CCDC146: variants seen among roughly 807,000 people sequenced by gnomAD.
The protein encoded by CCDC146 is coiled-coil domain-containing protein 146.
CCDC146 carries 92 observed loss-of-function variants against 119.3 expected under a neutral mutation model. The ratio of observed to expected loss-of-function variants is 0.77; its 90% confidence interval spans 0.65 to 0.92. The LOEUF is 0.92. Ranked by LOEUF, CCDC146 falls within the 40% of genes least tolerant of loss-of-function variation. The pLI is 0.00. For synonymous variants in CCDC146, 372 were observed against 371.8 expected, an observed-to-expected ratio of 1.00 and a Z score of -0.01; for missense variants, 1,000 against 1,103.0, an observed-to-expected ratio of 0.91 and a Z score of 1.32.
chr7:77,154,060 T>C (rs909818175), intron 1 of CCDC146, among the ~76,000 whole-genome samples: 1 of 151,630 alleles, frequency 6.6e-6, no homozygotes, highest in Admixed American at 6.6e-5. Flanking sequence ...AAAGGTGACA[T>C]GTGATATAAT....
At chr7:77,152,494 T>C (rs1205179586) in intron 1 of CCDC146, among the ~76,000 whole-genome samples, 1 of 152,228 alleles carries the variant, frequency 6.6e-6, no homozygotes, top group Non-Finnish European at 1.5e-5. Context: ...CTTTGCCTAC[T>C]TCACTTATTA....
intron 2 of CCDC146, among the ~76,000 whole-genome samples, chr7:77,169,422 G>A (rs1243227263): frequency 2.0e-5 from 3 of 152,224 alleles, no homozygotes; most frequent in Non-Finnish European, 2.9e-5. Context: ...CTATGTGGTT[G>A]TCTTACTCCT....
chr7:77,256,651 A>C, intron 6 of CCDC146, 142 bp downstream of exon 6: 1 of 661,602 alleles, frequency 1.5e-6, no homozygotes, highest in South Asian at 1.9e-5. Flanking sequence ...TGATCCTATC[A>C]AACTAAATCT....
chr7:77,202,739 C>T (rs920494048), intron 2 of CCDC146, among the ~76,000 whole-genome samples: 4 of 152,130 alleles, frequency 2.6e-5, no homozygotes, highest in Non-Finnish European at 5.9e-5. Flanking sequence ...ACCGCCTCTA[C>T]GGTTCCTCCC....
chr7:77,161,247 G>A (rs1791256861), intron 1 of CCDC146, among the ~76,000 whole-genome samples: 1 of 152,260 alleles, frequency 6.6e-6, no homozygotes, highest in South Asian at 2.1e-4. Context: ...CAAGGATCTA[G>A]AACTAGAAAT....
chr7:77,145,027 G>T (rs998652556), intron 1 of CCDC146, among the ~76,000 whole-genome samples: 1 of 151,612 alleles, frequency 6.6e-6, no homozygotes, highest in African/African-American at 2.4e-5. Context: ...GGTAGAATTC[G>T]GCTGTGAATC....
intron 4 of CCDC146, among the ~76,000 whole-genome samples, chr7:77,243,430 A>G (rs1177613543): frequency 6.6e-6 from 1 of 152,232 alleles, no homozygotes; most frequent in African/African-American, 2.4e-5. Context: ...GCTCAAGAAC[A>G]AGCTTATTTT....
At chr7:77,256,573 T>G (rs2150509082) in intron 6 of CCDC146, 64 bp downstream of exon 6, 18 of 1,338,370 alleles carry the variant, frequency 1.3e-5, no homozygotes, top group Non-Finnish European at 1.7e-5. Context: ...TGTGTGGGTA[T>G]CAAGAGTAAC....
chr7:77,207,050 C>T (rs1008123042), intron 2 of CCDC146, among the ~76,000 whole-genome samples: 3 of 151,848 alleles, frequency 2.0e-5, no homozygotes, highest in Admixed American at 6.6e-5. Flanking sequence ...CATGTGAACT[C>T]GCAATAAATG....
intron 1 of CCDC146, among the ~76,000 whole-genome samples, chr7:77,156,405 CT>C (rs1490776237): frequency 6.6e-6 from 1 of 151,528 alleles, no homozygotes; most frequent in Non-Finnish European, 1.5e-5. Context: ...CTGTAGGACT[CT>C]TTTCTTTTCA....
Position 77,254,194 on chromosome 7 carries a change from C to G in CCDC146, c.450-312C>G, listed in dbSNP as rs373870870. 3.3e-5 allele frequency among the ~76,000 whole-genome samples: 5 copies of G among 152,280 alleles called. No homozygotes were observed. In the East Asian group the frequency reaches 5.8e-4, roughly 18 times the overall value. ...GCAGGCACCCGCCCATTCCAAGTAA[C>G]ATAAAGGAGAAAAAGCCCAGAGCCT... On this transcript the variant is annotated intron_variant, in intron 4 of 18. Coordinates refer to ENST00000285871, the MANE Select transcript of CCDC146 (RefSeq NM_020879.3).
chr7:77,196,930 G>A lies in CCDC146; in HGVS notation c.156+29106G>A. On this transcript the variant is annotated intron_variant, in intron 2 of 18. Transcript: ENST00000285871. The surrounding 1 kb of genome is among the most constrained non-coding windows in gnomAD (Gnocchi z 4.2). ...CAGGTGTAACTCTGTAGGTCTCACT[G>A]CTTCTTTTGCCTATTGCGTAGTAGT... 1 of 1,613,402 alleles carries A rather than the reference G, an allele frequency of 6.2e-7. No homozygotes were observed. Among genetic ancestry groups the A allele is most frequent in the South Asian group, 1.1e-5 (1 of 91,070 alleles).
chr7:77,280,262 A>C (rs1361467809), intron 13 of CCDC146, among the ~76,000 whole-genome samples, 167 bp from the exon 14 acceptor site: 1 of 152,192 alleles, frequency 6.6e-6, no homozygotes, highest in Non-Finnish European at 1.5e-5. Context: ...GATTATGAAA[A>C]TTCCTGAAGA....
Position 77,196,704 on chromosome 7 carries a change from T to TA in CCDC146, c.156+28880_156+28881insA. ...AAGTCTTCAAGATCTATTCTCAGAATCATTTCCTTACTCTTGGTCAGAAGA... is the reference window on the plus strand; with the variant it reads ...AAGTCTTCAAGATCTATTCTCAGAATACATTTCCTTACTCTTGGTCAGAAGA... On this transcript the variant is annotated intron_variant, in intron 2 of 18. Coordinates refer to ENST00000285871, the MANE Select transcript of CCDC146 (RefSeq NM_020879.3). This position sits in a 1 kb window ranked among gnomAD's most constrained non-coding sequence, Gnocchi z 4.2. The TA allele has an allele frequency of 6.2e-7, 1 of 1,614,206 alleles. No homozygotes were observed. Among genetic ancestry groups the TA allele is most frequent in the South Asian group, 1.1e-5 (1 of 91,080 alleles).
chr7:77,208,869 A>G (rs1162461035), intron 2 of CCDC146, among the ~76,000 whole-genome samples: 1 of 152,150 alleles, frequency 6.6e-6, no homozygotes, highest in African/African-American at 2.4e-5. Context: ...TACCATGCCC[A>G]GCTAATCTTT....
At chr7:77,146,469 C>T (rs147454165) in intron 1 of CCDC146, among the ~76,000 whole-genome samples, 5,659 of 152,120 alleles carry the variant, frequency 0.037, 346 homozygotes, top group African/African-American at 0.13. Flanking sequence ...TGGCTGGTTA[C>T]TTTGCTCGTT....
intron 1 of CCDC146, among the ~76,000 whole-genome samples, chr7:77,159,376 TC>T (rs1791224420): frequency 6.6e-6 from 1 of 152,218 alleles, no homozygotes; most frequent in Non-Finnish European, 1.5e-5. Flanking sequence ...TGCTTTAAGT[TC>T]CATATATAAG....
At chr7:77,137,095 G>C (rs1790871864) in intron 1 of CCDC146, among the ~76,000 whole-genome samples, 2 of 152,176 alleles carry the variant, frequency 1.3e-5, no homozygotes, top group African/African-American at 2.4e-5. Context: ...ACTAGGACTA[G>C]AAAGGAGCTT....
At chr7:77,128,345 G>A (rs1790737902) in intron 1 of CCDC146, among the ~76,000 whole-genome samples, 2 of 151,924 alleles carry the variant, frequency 1.3e-5, no homozygotes, top group Non-Finnish European at 2.9e-5. Context: ...CCATGGTCAT[G>A]GGCCAGGTTT....
Sources: gnomAD v4.1 joint callset for allele counts (sites outside exome capture counted in the v4.1 genomes callset) on GRCh38, gnomAD v4.1.1 for gene constraint, Gnocchi (gnomAD v3.1) non-coding constraint, MANE v1.5 for transcripts, NCBI Gene and HGNC (gene_info 2026-07-23, HGNC 2026-07-21) for gene names.